Variants in SEC23IP observed in about 807,000 individuals in gnomAD.
SEC23IP encodes the protein SEC23 interacting protein, also known as SEC23-interacting protein.
SEC23IP carries 70 observed loss-of-function variants against 113.4 expected under a neutral mutation model. That is an observed-to-expected ratio of 0.62 (90% CI 0.51 to 0.75). The LOEUF (loss-of-function observed/expected upper bound fraction) is 0.75, where lower values mean the gene tolerates loss of function less well. Among genes scored for constraint, SEC23IP ranks in the 30% least tolerant of loss-of-function variants. The probability of loss-of-function intolerance (pLI) is 0.00; values close to 1 mark genes in which losing one functional copy is unlikely to be tolerated. For synonymous variants in SEC23IP, 398 were observed against 421.0 expected, an observed-to-expected ratio of 0.95 and a Z score of 0.67; for missense variants, 1,160 against 1,204.9, an observed-to-expected ratio of 0.96 and a Z score of 0.55.
rs977461391 is a variant in SEC23IP, at chr10:119,943,773, A to G, written c.*3208A>G. 4 of 152,272 alleles carry G rather than the reference A, an allele frequency of 2.6e-5. No homozygotes were observed. In the Middle Eastern group the frequency reaches 0.01, roughly 388 times the overall value. 9.4% of individuals were successfully genotyped at this position (152,272 alleles called of 1,614,324 possible). A position where few individuals can be genotyped will look rare whatever the true frequency, so the allele number is the denominator to read the frequency against. ...AGTGAAATGAGTTTCACATATTTCAATATATGAAATTTTATGATGACACAT... is the reference window on the plus strand; with the variant it reads ...AGTGAAATGAGTTTCACATATTTCAGTATATGAAATTTTATGATGACACAT... On this transcript the variant is annotated 3_prime_UTR_variant, in exon 19 of 19. Transcript: ENST00000369075.
In SEC23IP at chr10:119,926,099, G is replaced by T. The variant is rs1160550512; in HGVS notation, c.2185G>T (p.Ala729Ser). The T allele has an allele frequency of 1.2e-6, 2 of 1,614,078 alleles. No homozygotes were observed. Among genetic ancestry groups the T allele is most frequent in the South Asian group, 1.1e-5 (1 of 91,080 alleles). The stretch of plus-strand genomic sequence containing the variant: ...TTCTACAAAAGGACAAGAGCAAAGT[G>T]CCCAGAAGACTAAAGACATGGCTTC... ...ATSTKGQEQSAQKTKDMASLP... is the reference protein window; with the variant it reads ...ATSTKGQEQSSQKTKDMASLP... Residue 729 changes from alanine (A) to serine (S), a missense_variant, in exon 13 of 19, where the codon GCC becomes TCC. Coordinates refer to ENST00000369075, the MANE Select transcript of SEC23IP (RefSeq NM_007190.4).
intron 16 of SEC23IP, 85 bp from the exon 17 acceptor site, chr10:119,932,920 T>C: frequency 1.6e-6 from 2 of 1,221,798 alleles, no homozygotes; most frequent in Non-Finnish European, 2.3e-6. Context: ...TCAAGCAGTA[T>C]TCTCATTGAG....
rs781472366 is a variant in SEC23IP at position 119,919,526 on chromosome 10, C to T, written c.1955C>T (p.Thr652Ile). 1 of 1,613,486 alleles carries T rather than the reference C, an allele frequency of 6.2e-7. No homozygotes were observed. Among genetic ancestry groups the T allele is most frequent in the East Asian group, 2.2e-5 (1 of 44,866 alleles). The change falls in exon 11 of 19, where the codon ACT becomes ATT. Residue 652 changes from threonine (T) to isoleucine (I), a missense_variant. Coordinates refer to ENST00000369075, the MANE Select transcript of SEC23IP (RefSeq NM_007190.4). ...ENKEVLTLQE[T>I]LEALSLSEYF... ...AAAGAAGTCCTAACTTTGCAAGAAA[C>T]TCTGGAAGCACTTAGCCTCTCTGAA... is the stretch of plus-strand genomic sequence containing the variant.
Position 119,898,439 on chromosome 10 carries a change from ATGT to A in SEC23IP, c.179_181del (p.Val60del). Reference sequence around the variant, plus strand: ...TGTTCCATTTCAGAGGATTCCACAGATGTTGGTGAGGAGGACAGCTTCCTTGGT... The same window carrying A: ...TGTTCCATTTCAGAGGATTCCACAGATGGTGAGGAGGACAGCTTCCTTGGT... On this transcript the variant is annotated inframe_deletion, in exon 2 of 19. Transcript: ENST00000369075. 1 of 1,611,864 alleles carries A rather than the reference ATGT, an allele frequency of 6.2e-7. No individual in the cohort carries two copies. Among genetic ancestry groups the A allele is most frequent in the Non-Finnish European group, 8.5e-7 (1 of 1,178,622 alleles).
intron 1 of SEC23IP, among the ~76,000 whole-genome samples, chr10:119,893,275 C>A (rs906914220): frequency 2.6e-5 from 4 of 152,098 alleles, no homozygotes; most frequent in Non-Finnish European, 5.9e-5. Context: ...AACAGTGGCC[C>A]TCTCCTAGGG....
chr10:119,902,773 A>C, intron 2 of SEC23IP, 26 bp from the exon 3 acceptor site: 1 of 1,596,232 alleles, frequency 6.3e-7, no homozygotes, highest in Non-Finnish European at 8.6e-7. Context: ...CAAGCATGAC[A>C]GTCTTAACTT....
intron 4 of SEC23IP, 35 bp from the exon 5 acceptor site, chr10:119,909,006 T>A (rs1367778962): frequency 2.1e-6 from 3 of 1,401,984 alleles, no homozygotes; most frequent in Non-Finnish European, 3.0e-6. Flanking sequence ...TATAAATTTG[T>A]CATGTTGGAA....
At chr10:119,900,891 T>G (rs1456247809) in intron 2 of SEC23IP, among the ~76,000 whole-genome samples, 1 of 152,200 alleles carries the variant, frequency 6.6e-6, no homozygotes, top group Non-Finnish European at 1.5e-5. Context: ...TGTTTTCATT[T>G]TGTTATATGT....
At chr10:119,937,780 T>G (rs1343533018) in intron 18 of SEC23IP, among the ~76,000 whole-genome samples, 1 of 152,238 alleles carries the variant, frequency 6.6e-6, no homozygotes, top group African/African-American at 2.4e-5. Flanking sequence ...AACTTTTTTC[T>G]TACATAATCG....
At position 119,893,725 on chromosome 10, in the gene SEC23IP, G is replaced by T. The variant is rs530865976; in HGVS notation, c.163+780G>T. Among the ~76,000 whole-genome samples the T allele has an allele frequency of 9.3e-4, 142 of 151,950 alleles. 2 individuals carry two copies. The highest frequency in any genetic ancestry group is 1.8e-3 in the Non-Finnish European group (125 of 67,948). On this transcript the variant is annotated intron_variant, in intron 1 of 18. Coordinates refer to ENST00000369075, the MANE Select transcript of SEC23IP (RefSeq NM_007190.4). ...AGTAGAGACAGGGTTCCACCATGTT[G>T]GCCAGGATGGTCTCAATCTCCTGAC...
Position 119,932,134 on chromosome 10 carries a change from A to T in SEC23IP, c.2574A>T (p.Glu858Asp), listed in dbSNP as rs1475361485. 4 of 1,597,606 alleles carry T rather than the reference A, an allele frequency of 2.5e-6. No individual in the cohort carries two copies. The East Asian group carries it at 6.7e-5, about 27-fold the overall frequency. ...HHKGRKRLHL[E>D]LKESLSRMGS... is the part of the protein sequence containing the mutation. Reference sequence around the variant, plus strand: ...GTTGTGTCATCTTAATCTCTTTAGAATTGAAAGAGAGTCTCTCTCGTATGG... The same window carrying T: ...GTTGTGTCATCTTAATCTCTTTAGATTTGAAAGAGAGTCTCTCTCGTATGG... Residue 858 changes from glutamate (E) to aspartate (D), a missense_variant and splice_region_variant, in exon 16 of 19, where the codon GAA (glutamate) becomes GAT (aspartate). Transcript: ENST00000369075.
chr10:119,894,839 T>G (rs1476831090), intron 1 of SEC23IP, among the ~76,000 whole-genome samples: 3 of 152,150 alleles, frequency 2.0e-5, no homozygotes, highest in African/African-American at 7.2e-5. Context: ...TTTTCATTGT[T>G]AAGTCTGGTA....
Position 119,898,457 on chromosome 10 carries a change from G to T in SEC23IP, c.194G>T (p.Ser65Ile). 1 of 1,613,650 alleles carries T rather than the reference G, an allele frequency of 6.2e-7. No homozygotes were observed. Among genetic ancestry groups the T allele is most frequent in the Non-Finnish European group, 8.5e-7 (1 of 1,179,722 alleles). Residue 65 changes from serine (S) to isoleucine (I), a missense_variant, in exon 2 of 19, where the codon AGC becomes ATC. Transcript: ENST00000369075. Reference sequence around the variant, plus strand: ...TCCACAGATGTTGGTGAGGAGGACAGCTTCCTTGGTCAGACTTCTATTCAC... The same window carrying T: ...TCCACAGATGTTGGTGAGGAGGACATCTTCCTTGGTCAGACTTCTATTCAC... ...EDSTDVGEEDSFLGQTSIHTS... is the reference protein window; with the variant it reads ...EDSTDVGEEDIFLGQTSIHTS...
At chr10:119,927,540 T>C (rs2134517260) in intron 13 of SEC23IP, among the ~76,000 whole-genome samples, 1 of 152,356 alleles carries the variant, frequency 6.6e-6, no homozygotes, top group South Asian at 2.1e-4. Flanking sequence ...ATATTCTCCT[T>C]ATCTCTTAAT....
Position 119,920,942 on chromosome 10 carries a change from A to G in SEC23IP, c.2079A>G (p.Arg693=). ...LKEMGIPLGP[R]KKIANFVEHK... ...AAATGGGGATACCCCTTGGACCCAG[A>G]AAGAAGATAGCTAACTTTGTAGAAC... The change falls in exon 12 of 19, where the codon AGA becomes AGG. Residue 693 remains arginine (R), a synonymous_variant. Transcript: ENST00000369075. 6.2e-7 allele frequency: 1 copy of G among 1,613,930 alleles called. No homozygotes were observed. Among genetic ancestry groups the G allele is most frequent in the Non-Finnish European group, 8.5e-7 (1 of 1,179,840 alleles).
intron 13 of SEC23IP, among the ~76,000 whole-genome samples, chr10:119,928,812 G>A (rs147372250): frequency 6.6e-6 from 1 of 152,342 alleles, no homozygotes; most frequent in East Asian, 1.9e-4. Context: ...GCTCTTTCAG[G>A]ACAAATCATT....
At chr10:119,935,278 T>C (rs905213431) in intron 18 of SEC23IP, among the ~76,000 whole-genome samples, 1 of 152,124 alleles carries the variant, frequency 6.6e-6, no homozygotes, top group Non-Finnish European at 1.5e-5. Context: ...CTGGCTAACA[T>C]GGTGAAACCC....
intron 12 of SEC23IP, among the ~76,000 whole-genome samples, chr10:119,923,868 A>G (rs1338749307): frequency 6.6e-6 from 1 of 152,100 alleles, no homozygotes; most frequent in African/African-American, 2.4e-5. Flanking sequence ...TCACTTTTAA[A>G]CACTGTTGGT....
chr10:119,924,007 G>GAA (rs1855335382), intron 12 of SEC23IP, among the ~76,000 whole-genome samples: 1 of 152,214 alleles, frequency 6.6e-6, no homozygotes, highest in Non-Finnish European at 1.5e-5. Flanking sequence ...TTCTGAGTGA[G>GAA]AAAGCAGATT....
Sources: gnomAD v4.1 joint callset for allele counts (sites outside exome capture counted in the v4.1 genomes callset) on GRCh38, gnomAD v4.1.1 for gene constraint, MANE v1.5 for transcripts, NCBI Gene and HGNC (gene_info 2026-07-23, HGNC 2026-07-21) for gene names.